The following GRAMD4 variants were observed in gnomAD, a reference collection of about 807,000 sequenced individuals.
GRAMD4 encodes the protein GRAM domain containing 4.
A neutral mutation model predicts 83.9 loss-of-function variants in GRAMD4; 25 were observed. That is an observed-to-expected ratio of 0.30 (90% CI 0.22 to 0.42). The LOEUF is 0.42. Among genes scored for constraint, GRAMD4 ranks in the 10% least tolerant of loss-of-function variants. The pLI is 1.00. For synonymous variants in GRAMD4, 336 were observed against 320.9 expected (o/e 1.05, Z -0.50); for missense variants, 593 against 788.7 (o/e 0.75, Z 2.97).
In GRAMD4 at chr22:46,668,134, C is replaced by T. The variant is rs1422745322; in HGVS notation, c.897C>T (p.Phe299=). Residue 299 remains phenylalanine (F), a synonymous_variant, in exon 11 of 19, where the codon TTC becomes TTT. Transcript: ENST00000406902. ...AAGACCTGACTGTGTCTGAGAAGTTCCAGCTGGTGCTGGACGTCGCCCAGA... is the reference window on the plus strand; with the variant it reads ...AAGACCTGACTGTGTCTGAGAAGTTTCAGCTGGTGCTGGACGTCGCCCAGA... ...PKEDLTVSEK[F]QLVLDVAQKA... 1.2e-6 allele frequency: 2 copies of T among 1,612,130 alleles called. No homozygotes were observed. Among genetic ancestry groups the T allele is most frequent in the Admixed American group, 3.3e-5 (2 of 60,004 alleles).
chr22:46,668,987 T>C, intron 13 of GRAMD4, 79 bp downstream of exon 13: 1 of 802,608 alleles, frequency 1.2e-6, no homozygotes, highest in Non-Finnish European at 2.1e-6. Context: ...CTGCCAGGTG[T>C]CTGCAAGAGC....
chr22:46,679,180 G>C lies in GRAMD4; in HGVS notation c.*1929G>C. The C allele has an allele frequency of 5.1e-6, 5 of 985,526 alleles. No homozygotes were observed. Among genetic ancestry groups the C allele is most frequent in the Non-Finnish European group, 6.0e-6 (5 of 829,980 alleles). 61.0% of individuals were successfully genotyped at this position (985,526 alleles called of 1,614,324 possible). ...CCCGGCAGTGCCCAAGGATGGGTCC[G>C]GGGCCTCGGGGCCAATGAGCGCCTC... is the stretch of plus-strand genomic sequence containing the variant. On this transcript the variant is annotated 3_prime_UTR_variant, in exon 19 of 19. Transcript: ENST00000406902.
At chr22:46,676,543 C>T (rs9626892) in intron 17 of GRAMD4, 57 bp from the exon 18 acceptor site, 1 of 1,474,712 alleles carries the variant, frequency 6.8e-7, no homozygotes, top group Non-Finnish European at 9.3e-7. Context: ...CTGTGGAGGG[C>T]TGTGCCTCCC....
In GRAMD4 at chr22:46,578,896, C is replaced by T. The variant is rs557532231; in HGVS notation, c.-50+1606C>T. Among the ~76,000 whole-genome samples the T allele has an allele frequency of 2.0e-5, 3 of 152,320 alleles. No homozygotes were observed. In the East Asian group the frequency reaches 5.8e-4, roughly 29 times the overall value. On this transcript the variant is annotated intron_variant, in intron 1 of 1. Transcript: ENST00000431155. ...GGGCAGACCTCGAAGCCCCACAGTC[C>T]TCACCGTGCTGGGCTCACAGGGAGA... is the stretch of plus-strand genomic sequence containing the variant.
intron 1 of GRAMD4, among the ~76,000 whole-genome samples, chr22:46,585,300 C>T (rs2081138462): frequency 6.6e-6 from 1 of 151,928 alleles, no homozygotes; most frequent in Non-Finnish European, 1.5e-5. Flanking sequence ...AAGTGATTCT[C>T]CTGCCTCAGC....
At position 46,621,316 on chromosome 22, in the gene GRAMD4, C is replaced by T. The variant is rs950568183; in HGVS notation, c.-50+751C>T. 6.6e-5 allele frequency among the ~76,000 whole-genome samples: 10 copies of T among 152,168 alleles called. No homozygotes were observed. Among genetic ancestry groups the T allele is most frequent in the African/African-American group, 2.4e-5 (1 of 41,418 alleles). On this transcript the variant is annotated intron_variant, in intron 1 of 18. Transcript: ENST00000406902. This position sits in a 1 kb window ranked among gnomAD's most constrained non-coding sequence, Gnocchi z 5.8. ...TAGTGTCCTCCCCCAAAATTCATGT[C>T]CACCTCGTACCTGTGGACCCGACCT...
At chr22:46,656,630 T>C (rs2082248496) in intron 3 of GRAMD4, among the ~76,000 whole-genome samples, 1 of 152,166 alleles carries the variant, frequency 6.6e-6, no homozygotes, top group Non-Finnish European at 1.5e-5. Flanking sequence ...GAAAGAAACT[T>C]CCAGGCTTAG....
At chr22:46,668,230 T>C in intron 11 of GRAMD4, 63 bp downstream of exon 11, 1 of 1,182,490 alleles carries the variant, frequency 8.5e-7, no homozygotes, top group Non-Finnish European at 1.2e-6. Flanking sequence ...GCCAGGGGTG[T>C]GTCTACGCCG....
chr22:46,665,351 G>A (rs1289278588), intron 8 of GRAMD4, among the ~76,000 whole-genome samples: 1 of 152,212 alleles, frequency 6.6e-6, no homozygotes, highest in African/African-American at 2.4e-5. Context: ...GGCAGGACCC[G>A]CATGTGGAAC....
chr22:46,659,122 C>G lies in GRAMD4; in HGVS notation c.404+815C>G, dbSNP rs2082289558. Among the ~76,000 whole-genome samples, 1 of 152,142 alleles carries G rather than the reference C, an allele frequency of 6.6e-6. No individual in the cohort carries two copies. The highest frequency in any genetic ancestry group is 1.5e-5 in the Non-Finnish European group (1 of 68,018). On this transcript the variant is annotated intron_variant, in intron 4 of 18. Coordinates refer to ENST00000406902, the MANE Select transcript of GRAMD4 (RefSeq NM_015124.5). This position sits in a 1 kb window ranked among gnomAD's most constrained non-coding sequence, Gnocchi z 4.1. ...AGGCCAGGGAGCTCAGGCCACTCAC[C>G]TCTGGCTCCCAGGCCTCCCGCTCAG...
intron 11 of GRAMD4, 64 bp from the exon 12 acceptor site, chr22:46,668,625 G>T (rs375599208): frequency 2.7e-6 from 4 of 1,477,646 alleles, no homozygotes; most frequent in Non-Finnish European, 3.8e-6. Flanking sequence ...CCCTCCTGGC[G>T]TCGCGGTGTG....
upstream of GRAMD4, among the ~76,000 whole-genome samples, chr22:46,615,546 T>G (rs2081471198): frequency 7.0e-6 from 1 of 142,758 alleles, no homozygotes; most frequent in Non-Finnish European, 1.5e-5. Flanking sequence ...GGTTCCCCTG[T>G]GTGTAGGTTC....
intron 2 of GRAMD4, among the ~76,000 whole-genome samples, chr22:46,632,783 G>A (rs1430539932): frequency 6.6e-6 from 1 of 152,238 alleles, no homozygotes; most frequent in Non-Finnish European, 1.5e-5. Flanking sequence ...CCCAGCCCTC[G>A]TGGGCCTGGA....
chr22:46,656,723 C>T (rs1471810038), intron 3 of GRAMD4, among the ~76,000 whole-genome samples: 2 of 152,240 alleles, frequency 1.3e-5, no homozygotes, highest in African/African-American at 4.8e-5. Flanking sequence ...GCTGGCCCTG[C>T]CCAAGAACCT....
At chr22:46,680,884 A>G (rs562230305), downstream of GRAMD4, among the ~76,000 whole-genome samples, 2 of 42,944 alleles carry the variant, frequency 4.7e-5, no homozygotes, top group East Asian at 7.4e-4. Flanking sequence ...CTATCCATCT[A>G]CCTACCCATC....
intron 1 of GRAMD4, among the ~76,000 whole-genome samples, chr22:46,608,704 G>A (rs1337707661): frequency 6.6e-6 from 1 of 151,794 alleles, no homozygotes; most frequent in Non-Finnish European, 1.5e-5. Context: ...TGCGTAGCTG[G>A]CCAATATATA....
intron 17 of GRAMD4, 101 bp downstream of exon 17, chr22:46,675,653 C>G: frequency 1.2e-6 from 1 of 803,064 alleles, no homozygotes; most frequent in Non-Finnish European, 2.2e-6. Context: ...CCTCTGTCAG[C>G]ATCTGGGCGC....
At chr22:46,638,076 C>T (rs1464540008) in intron 3 of GRAMD4, 116 bp downstream of exon 3, 62 of 1,092,320 alleles carry the variant, frequency 5.7e-5, no homozygotes, top group Admixed American at 4.2e-4. Flanking sequence ...CAGGCTCCAT[C>T]GCTGGACACG....
rs890953291 is a variant in GRAMD4, at chr22:46,604,361, TTC to T, written c.-49-22376_-49-22375del. Among the ~76,000 whole-genome samples, 55 of 151,550 alleles carry T rather than the reference TTC, an allele frequency of 3.6e-4. 1 individual carries two copies. The highest frequency in any genetic ancestry group is 2.1e-4 in the Non-Finnish European group (14 of 67,738). Reference sequence around the variant, plus strand: ...TAGATTTTCAAAGGGAGGATCGGTTTTCTCTCTCTCTCTCTGTATAAATTGTG... The same window carrying T: ...TAGATTTTCAAAGGGAGGATCGGTTTTCTCTCTCTCTCTGTATAAATTGTG... On this transcript the variant is annotated intron_variant, in intron 1 of 1. Transcript: ENST00000431155.
Sources: gnomAD v4.1 joint callset for allele counts (sites outside exome capture counted in the v4.1 genomes callset) on GRCh38, gnomAD v4.1.1 for gene constraint, Gnocchi (gnomAD v3.1) non-coding constraint, MANE v1.5 for transcripts, NCBI Gene and HGNC (gene_info 2026-07-23, HGNC 2026-07-21) for gene names.